KLHL5: variants seen among roughly 807,000 people sequenced by gnomAD.
KLHL5 encodes kelch-like protein 5.
Under a neutral mutation model 77.7 loss-of-function variants are expected in KLHL5, and 48 were observed. That is an observed-to-expected ratio of 0.62 (90% CI 0.49 to 0.79). The LOEUF (loss-of-function observed/expected upper bound fraction) is 0.79. KLHL5 is among the 30% of genes least tolerant of loss of function. The pLI is 0.00. For missense variants in KLHL5, 723 were observed against 859.7 expected (o/e 0.84, Z 1.99); for synonymous variants, 260 against 297.0 (o/e 0.88, Z 1.28).
chr4:39,055,302 GA>G (rs1167026678), intron 1 of KLHL5, among the ~76,000 whole-genome samples: 1 of 152,234 alleles, frequency 6.6e-6, no homozygotes, highest in African/African-American at 2.4e-5. Flanking sequence ...TCTCCTTGAA[GA>G]AAGCGATGCA....
chr4:39,105,817 C>T (rs1196909585), intron 7 of KLHL5, among the ~76,000 whole-genome samples: 1 of 151,238 alleles, frequency 6.6e-6, no homozygotes, highest in Non-Finnish European at 1.5e-5. Flanking sequence ...CAATATATAA[C>T]ATATGAGTGG....
chr4:39,059,390 A>G (rs746219726), upstream of KLHL5, among the ~76,000 whole-genome samples: 9 of 152,206 alleles, frequency 5.9e-5, no homozygotes, highest in Non-Finnish European at 1.2e-4. Flanking sequence ...ATTAATAATG[A>G]AGAAAATGTA....
chr4:39,126,487 G>A (rs1723551890), downstream of KLHL5, among the ~76,000 whole-genome samples: 1 of 152,088 alleles, frequency 6.6e-6, no homozygotes, highest in East Asian at 1.9e-4. Context: ...TGACAGATGT[G>A]GGTATTGGCA....
chr4:39,141,396 C>T, the KLHL5 span, among the ~76,000 whole-genome samples: 1 of 150,966 alleles, frequency 6.6e-6, no homozygotes, highest in Non-Finnish European at 1.5e-5. Flanking sequence ...GCAAGCTCCA[C>T]CTGCCGGGTT....
rs139113776 is a variant in KLHL5 at position 39,082,791 on chromosome 4, T to C, written c.900+632T>C. On this transcript the variant is annotated intron_variant, in intron 4 of 10. Transcript: ENST00000504108. ...ACCCCTGAACTTAAAAGTTAAAAAATGGATTGACCTAGGATAGTAAGAAAA... is the reference window on the plus strand; with the variant it reads ...ACCCCTGAACTTAAAAGTTAAAAAACGGATTGACCTAGGATAGTAAGAAAA... 4.1e-4 allele frequency among the ~76,000 whole-genome samples: 62 copies of C among 152,184 alleles called. 1 individual carries two copies. In the East Asian group the frequency reaches 7.7e-3, roughly 19 times the overall value.
At chr4:39,069,415 T>C in intron 1 of KLHL5, among the ~76,000 whole-genome samples, 1 of 147,646 alleles carries the variant, frequency 6.8e-6, no homozygotes, top group African/African-American at 2.5e-5. Flanking sequence ...AAGTGAATTT[T>C]TCCCTATTAA....
chr4:39,091,710 A>C (rs1219082073), intron 5 of KLHL5, among the ~76,000 whole-genome samples: 1 of 149,626 alleles, frequency 6.7e-6, no homozygotes, highest in Non-Finnish European at 1.5e-5. Context: ...TCACTCTGTC[A>C]CCCAGGCTTG....
chr4:39,079,118 A>C (rs186461994), intron 2 of KLHL5, among the ~76,000 whole-genome samples: 251 of 152,286 alleles, frequency 1.6e-3, no homozygotes, highest in Non-Finnish European at 2.6e-3. Flanking sequence ...TCCAAAACTG[A>C]ACTCATTCAT....
intron 7 of KLHL5, among the ~76,000 whole-genome samples, chr4:39,105,879 G>A (rs916366328): frequency 1.3e-5 from 2 of 151,840 alleles, no homozygotes; most frequent in Non-Finnish European, 2.9e-5. Context: ...TTTCTTATCT[G>A]GCTGTGATTT....
chr4:39,115,035 T>C, intron 9 of KLHL5, 124 bp from the exon 10 acceptor site: 2 of 834,298 alleles, frequency 2.4e-6, no homozygotes, highest in Non-Finnish European at 3.7e-6. Flanking sequence ...TTCTCTAAAA[T>C]ATGTTCAAAT....
At chr4:39,057,651 G>A (rs994912479), upstream of KLHL5, among the ~76,000 whole-genome samples, 8 of 152,112 alleles carry the variant, frequency 5.3e-5, no homozygotes, top group African/African-American at 1.9e-4. Context: ...TCAAAATCAT[G>A]CAATGCAACT....
upstream of KLHL5, among the ~76,000 whole-genome samples, chr4:39,058,891 G>A (rs1475121962): frequency 6.6e-6 from 1 of 151,980 alleles, no homozygotes. Context: ...ACTTTGTAGT[G>A]AGGATAAAGA....
chr4:39,124,793 C>T lies in KLHL5; in HGVS notation c.*3727C>T, dbSNP rs1577765745. Among the ~76,000 whole-genome samples, 1 of 29,154 alleles carries T rather than the reference C, an allele frequency of 3.4e-5. No homozygotes were observed. Among genetic ancestry groups the T allele is most frequent in the African/African-American group, 1.1e-4 (1 of 9,418 alleles). 19.1% of individuals were successfully genotyped at this position (29,154 alleles called of 152,430 possible). ...TTAGATATGGCACCAAAAGCACAAGCAACAACAGCAAAAAAAAAAAAAAAA... is the reference window on the plus strand; with the variant it reads ...TTAGATATGGCACCAAAAGCACAAGTAACAACAGCAAAAAAAAAAAAAAAA... On this transcript the variant is annotated 3_prime_UTR_variant, in exon 11 of 11. Transcript: ENST00000504108.
At chr4:39,096,305 T>TAA (rs1482396347) in intron 5 of KLHL5, among the ~76,000 whole-genome samples, 1 of 152,156 alleles carries the variant, frequency 6.6e-6, no homozygotes. Flanking sequence ...GAACGCAGCA[T>TAA]AATTAGTCAA....
the KLHL5 span, among the ~76,000 whole-genome samples, chr4:39,136,258 C>T: frequency 6.6e-6 from 1 of 152,016 alleles, no homozygotes; most frequent in South Asian, 2.1e-4. Flanking sequence ...CTGCCGGGTT[C>T]AAGAGATTCT....
Position 39,124,802 on chromosome 4 carries a change from C to CAAAAAAAAAA in KLHL5, c.*3751_*3760dup, listed in dbSNP as rs71643268. On this transcript the variant is annotated 3_prime_UTR_variant, in exon 11 of 11. Transcript: ENST00000504108. ...GCACCAAAAGCACAAGCAACAACAG[C>CAAAAAAAAAA]AAAAAAAAAAAAAAAAAAAAAAAAT... Among the ~76,000 whole-genome samples the CAAAAAAAAAA allele has an allele frequency of 0.015, 666 of 43,950 alleles. 6 individuals are homozygous for CAAAAAAAAAA. The highest frequency in any genetic ancestry group is 0.023 in the East Asian group (29 of 1,284). The allele number at this position is 43,950 out of a possible 152,430, so 28.8% of individuals were successfully genotyped here.
In KLHL5 at chr4:39,108,751, G is replaced by GA. The variant is rs1722227094; in HGVS notation, c.1688+1027dup. Among the ~76,000 whole-genome samples, 3 of 151,926 alleles carry GA rather than the reference G, an allele frequency of 2.0e-5. No homozygotes were observed. The South Asian group carries it at 6.2e-4, about 31-fold the overall frequency. On this transcript the variant is annotated intron_variant, in intron 8 of 10. Coordinates refer to ENST00000504108, the MANE Select transcript of KLHL5 (RefSeq NM_015990.5). ...AGCCATTAAAGAATCTAGTAAATGA[G>GA]AAAAAAAGAAAATGAAACAGTATCT...
chr4:39,081,076 A>ATTTTTTTTTTT lies in KLHL5; in HGVS notation c.567-17_567-16insTTTTTTTTTTT. On this transcript the variant is annotated intron_variant, in intron 2 of 10. Coordinates refer to ENST00000504108, the MANE Select transcript of KLHL5 (RefSeq NM_015990.5). The surrounding 1 kb of genome is among the most constrained non-coding windows in gnomAD (Gnocchi z 4.3). ...AACATCAACTCGAATGTGGTCATTG[A>ATTTTTTTTTTT]TTTTTTTTTTCCTAATGTGTTCACA... 2 of 1,491,128 alleles carry ATTTTTTTTTTT rather than the reference A, an allele frequency of 1.3e-6. No homozygotes were observed. The highest frequency in any genetic ancestry group is 2.1e-5 in the Admixed American group (1 of 47,896). The allele number at this position is 1,491,128 out of a possible 1,614,324, so 92.4% of individuals were successfully genotyped here.
At chr4:39,048,977 CACTTA>C (rs1379938414) in intron 1 of KLHL5, among the ~76,000 whole-genome samples, 4 of 152,216 alleles carry the variant, frequency 2.6e-5, no homozygotes, top group East Asian at 3.9e-4. Context: ...CTGGAAGTGA[CACTTA>C]ACTTCCACTG....
Sources: gnomAD v4.1 joint callset for allele counts (sites outside exome capture counted in the v4.1 genomes callset) on GRCh38, gnomAD v4.1.1 for gene constraint, Gnocchi (gnomAD v3.1) non-coding constraint, MANE v1.5 for transcripts, NCBI Gene and HGNC (gene_info 2026-07-23, HGNC 2026-07-21) for gene names.